COL6A6: variants seen among roughly 807,000 people sequenced by gnomAD.
COL6A6 encodes collagen type VI alpha 6 chain, also known as collagen alpha-6(VI) chain.
In COL6A6, 183 loss-of-function variants were observed where a neutral mutation model predicts 208.6. The observed-to-expected ratio is 0.88, with a 90% CI of 0.78 to 0.99. The LOEUF (loss-of-function observed/expected upper bound fraction) is 0.99. Ranked by LOEUF, COL6A6 falls within the 50% of genes least tolerant of loss-of-function variation. The pLI, the probability that COL6A6 is intolerant of heterozygous loss-of-function variation, is 0.00. For missense variants in COL6A6, 2,816 were observed against 2,815.2 expected (o/e 1.00, Z -0.01); for synonymous variants, 973 against 1,011.8 (o/e 0.96, Z 0.73).
intron 23 of COL6A6, among the ~76,000 whole-genome samples, chr3:130,617,616 A>T (rs894692425): frequency 6.6e-6 from 1 of 152,188 alleles, no homozygotes; most frequent in Non-Finnish European, 1.5e-5. Flanking sequence ...TTGTTCTTGC[A>T]TTAGCTCACC....
intron 1 of COL6A6, among the ~76,000 whole-genome samples, chr3:130,531,215 G>A (rs1204759438): frequency 6.6e-6 from 1 of 151,894 alleles, no homozygotes; most frequent in African/African-American, 2.4e-5. Context: ...ATTGACCTTC[G>A]GGCTGCACAA....
At chr3:130,605,372 CTGTGTG>C (rs764831606) in intron 20 of COL6A6, among the ~76,000 whole-genome samples, 8 of 142,976 alleles carry the variant, frequency 5.6e-5, no homozygotes, top group Admixed American at 1.4e-4. Flanking sequence ...GAGGTCAGGA[CTGTGTG>C]TGTGTGTGTG....
In COL6A6 at chr3:130,563,434, A is replaced by T. The variant is rs759033342; in HGVS notation, c.431A>T (p.Glu144Val). The change falls in exon 3 of 37, where the codon GAG (glutamate) becomes GTG (valine). Residue 144 changes from glutamate (E) to valine (V), a missense_variant. Coordinates refer to ENST00000358511, the MANE Select transcript of COL6A6 (RefSeq NM_001102608.3). Reference protein sequence around the residue: ...ILVVLASSESEDNVEEASKAL... With the variant: ...ILVVLASSESVDNVEEASKAL... ...GTGGTCCTGGCTTCATCTGAGTCTG[A>T]GGATAATGTGGAAGAGGCATCAAAG... is the stretch of plus-strand genomic sequence containing the variant. 6.2e-7 allele frequency: 1 copy of T among 1,614,002 alleles called. No individual in the cohort carries two copies. The highest frequency in any genetic ancestry group is 1.1e-5 in the South Asian group (1 of 91,082).
chr3:130,664,153 C>T (rs1430655251), intron 35 of COL6A6, among the ~76,000 whole-genome samples: 1 of 152,206 alleles, frequency 6.6e-6, no homozygotes, highest in African/African-American at 2.4e-5. Context: ...ATCAAGCACA[C>T]TCCACATCAA....
Position 130,600,144 on chromosome 3 carries a change from C to A in COL6A6, c.4653+334C>A, listed in dbSNP as rs76676936. ...TGTGATAGCGTTTTAAATCCAAATT[C>A]TATTCTTTCTTTGCCAAATTGTATG... On this transcript the variant is annotated intron_variant, in intron 20 of 36. Coordinates refer to ENST00000358511, the MANE Select transcript of COL6A6 (RefSeq NM_001102608.3). Among the ~76,000 whole-genome samples, 917 of 152,308 alleles carry A rather than the reference C, an allele frequency of 6.0e-3. 12 individuals are homozygous for A. The highest frequency in any genetic ancestry group is 0.021 in the African/African-American group (885 of 41,564).
intron 4 of COL6A6, among the ~76,000 whole-genome samples, chr3:130,566,312 A>G (rs2063022209): frequency 1.3e-5 from 2 of 152,236 alleles, no homozygotes; most frequent in African/African-American, 4.8e-5. Flanking sequence ...AAGAGAGTTC[A>G]TGGGCCCACA....
intron 21 of COL6A6, 39 bp downstream of exon 21, chr3:130,607,005 C>G: frequency 6.7e-7 from 1 of 1,503,634 alleles, no homozygotes; most frequent in Non-Finnish European, 9.2e-7. Flanking sequence ...ATAACAAATA[C>G]TGCATCCAAT....
intron 3 of COL6A6, among the ~76,000 whole-genome samples, chr3:130,564,748 C>T (rs1666842759): frequency 6.6e-6 from 1 of 152,214 alleles, no homozygotes; most frequent in Admixed American, 6.5e-5. Context: ...CGCATTAAAT[C>T]CCCATAACAA....
In COL6A6 at chr3:130,586,575, A is replaced by T; in HGVS notation, c.4040A>T (p.Tyr1347Phe). 1 of 1,613,918 alleles carries T rather than the reference A, an allele frequency of 6.2e-7. No homozygotes were observed. The highest frequency in any genetic ancestry group is 8.5e-7 in the Non-Finnish European group (1 of 1,179,860). ...TCAAGTGACTTGGCTGATCTTCCCT[A>T]TATTGAATTTGGGAAAGGATTTGAG... ...ADSSDLADLP[Y>F]IEFGKGFEYR... The change falls in exon 11 of 37, where the codon TAT becomes TTT. Residue 1347 changes from tyrosine to phenylalanine, a missense_variant. Tyr to Phe is a conservative substitution (Grantham distance 22). Coordinates refer to ENST00000358511, the MANE Select transcript of COL6A6 (RefSeq NM_001102608.3).
At position 130,568,570 on chromosome 3, in the gene COL6A6, T is replaced by C. The variant is rs750757392; in HGVS notation, c.2367T>C (p.Asp789=). 4 of 1,604,846 alleles carry C rather than the reference T, an allele frequency of 2.5e-6. No individual in the cohort carries two copies. Among genetic ancestry groups the C allele is most frequent in the Admixed American group, 1.7e-5 (1 of 59,970 alleles). The stretch of plus-strand genomic sequence containing the variant: ...TTGACATTCTGCAGCGCATTGAAGA[T>C]GATCTTGTTTTTGGAATATGCAGCC... ...ENFDILQRIE[D]DLVFGICSPR... The change falls in exon 6 of 37, where the codon GAT becomes GAC. Residue 789 remains aspartate, a synonymous_variant. Coordinates refer to ENST00000358511, the MANE Select transcript of COL6A6 (RefSeq NM_001102608.3).
intron 23 of COL6A6, among the ~76,000 whole-genome samples, chr3:130,620,946 T>C (rs1219866527): frequency 6.6e-6 from 1 of 152,202 alleles, no homozygotes; most frequent in Non-Finnish European, 1.5e-5. Context: ...TCCATATGTT[T>C]AGATATCCCA....
Position 130,608,954 on chromosome 3 carries a change from AG to A in COL6A6, c.4745del (p.Gly1582AlafsTer11), listed in dbSNP as rs1465680974. The A allele has an allele frequency of 1.9e-6, 3 of 1,612,406 alleles. No individual in the cohort carries two copies. Among genetic ancestry groups the A allele is most frequent in the Non-Finnish European group, 2.5e-6 (3 of 1,178,878 alleles). On this transcript the variant is annotated frameshift_variant, in exon 22 of 37. Coordinates refer to ENST00000358511, the MANE Select transcript of COL6A6 (RefSeq NM_001102608.3). LOFTEE classifies it high-confidence loss of function. ...GGACTTGAAGGCTCCCTGGGACTTA[AG>A]GGCCCTCAGGTACATATCAAGACCA... ...PDGLEGSLGLKGPQGPRGEAG... is the reference protein window; with the variant it reads ...PDGLEGSLGLXGPQGPRGEAG...
At position 130,587,264 on chromosome 3, in the gene COL6A6, A is replaced by G. The variant is rs1234981523; in HGVS notation, c.4125+604A>G. The stretch of plus-strand genomic sequence containing the variant: ...TGACTCCTTGAGATTTCTACCTTAT[A>G]TTCTCTTTGTTTGTTTGAGACAGTC... On this transcript the variant is annotated intron_variant, in intron 11 of 36. Transcript: ENST00000358511. Among the ~76,000 whole-genome samples, 4 of 152,106 alleles carry G rather than the reference A, an allele frequency of 2.6e-5. No individual in the cohort carries two copies. In the East Asian group the frequency reaches 7.7e-4, roughly 29 times the overall value.
chr3:130,538,411 G>A (rs932660521), intron 1 of COL6A6, among the ~76,000 whole-genome samples: 1 of 152,108 alleles, frequency 6.6e-6, no homozygotes, highest in Non-Finnish European at 1.5e-5. Flanking sequence ...CCTTTTCTAG[G>A]TTACTCACAA....
intron 19 of COL6A6, among the ~76,000 whole-genome samples, chr3:130,598,651 A>T (rs1439115282): frequency 2.0e-5 from 3 of 152,292 alleles, no homozygotes; most frequent in Middle Eastern, 3.4e-3. Flanking sequence ...GGGTGACTTG[A>T]TTCACCAAGA....
At chr3:130,553,848 T>G (rs535075408) in intron 1 of COL6A6, among the ~76,000 whole-genome samples, 1 of 72,082 alleles carries the variant, frequency 1.4e-5, no homozygotes, top group East Asian at 2.4e-4. Flanking sequence ...TTTTTTGTGT[T>G]TTTTTTTGTT....
chr3:130,558,856 C>T (rs889584691), intron 1 of COL6A6, among the ~76,000 whole-genome samples: 53 of 152,162 alleles, frequency 3.5e-4, no homozygotes, highest in Non-Finnish European at 6.8e-4. Flanking sequence ...AACTAGAAGA[C>T]ATTTTGTGTT....
intron 36 of COL6A6, 142 bp from the exon 37 acceptor site, chr3:130,675,060 C>T (rs2066325019): frequency 1.9e-6 from 1 of 539,190 alleles, no homozygotes; most frequent in Non-Finnish European, 3.2e-6. Flanking sequence ...TTTAAGTACC[C>T]AGTTTAATTT....
chr3:130,551,715 G>T (rs2107802656), intron 1 of COL6A6, among the ~76,000 whole-genome samples: 1 of 143,894 alleles, frequency 6.9e-6, no homozygotes, highest in East Asian at 2.0e-4. Flanking sequence ...GGTTCAGTTT[G>T]CTCTTGGTTC....
Sources: allele counts gnomAD v4.1 joint callset (sites outside exome capture counted in the v4.1 genomes callset), GRCh38; gene constraint gnomAD v4.1.1; transcripts MANE v1.5; gene names NCBI Gene and HGNC (gene_info 2026-07-23, HGNC 2026-07-21).